The following TRIM11 variants were observed in gnomAD, a reference collection of about 807,000 sequenced individuals.
The protein encoded by TRIM11 is tripartite motif containing 11.
Under a neutral mutation model 33.4 loss-of-function variants are expected in TRIM11, and 15 were observed. That is an observed-to-expected ratio of 0.45 (90% confidence interval 0.30 to 0.69). The LOEUF (loss-of-function observed/expected upper bound fraction) is 0.69, where lower values mean the gene tolerates loss of function less well. Among genes scored for constraint, TRIM11 ranks in the 30% least tolerant of loss-of-function variants. The pLI is 0.08. For synonymous variants in TRIM11, 281 were observed against 302.6 expected, an observed-to-expected ratio of 0.93 and a Z score of 0.74; for missense variants, 499 against 667.6, an observed-to-expected ratio of 0.75 and a Z score of 2.78.
rs1431151469 is a variant in TRIM11 at position 228,394,859 on chromosome 1, TAGAA to T, written c.1249_1252del (p.Phe417ThrfsTer35). 6 of 1,613,328 alleles carry T rather than the reference TAGAA, an allele frequency of 3.7e-6. No homozygotes were observed. Among genetic ancestry groups the T allele is most frequent in the South Asian group, 1.1e-5 (1 of 91,042 alleles). ...TAGCAGTGACCCATCGGTGGCACTGTAGAAAGAGAGATGTCCAGCCTCGTAGTCC... is the reference window on the plus strand; with the variant it reads ...TAGCAGTGACCCATCGGTGGCACTGTAGAGAGATGTCCAGCCTCGTAGTCC... On this transcript the variant is annotated frameshift_variant, in exon 6 of 6. Coordinates refer to ENST00000284551, the MANE Select transcript of TRIM11 (RefSeq NM_145214.3). LOFTEE classifies it low-confidence loss of function (END_TRUNC). This position sits in a 1 kb window ranked among gnomAD's most constrained non-coding sequence, Gnocchi z 6.2.
chr1:228,394,974 G>C lies in TRIM11; in HGVS notation c.1138C>G (p.Leu380Val). The change falls in exon 6 of 6, where the codon CTG (leucine) becomes GTG (valine). Residue 380 changes from leucine (L) to valine (V), a missense_variant. Transcript: ENST00000284551. This position sits in a 1 kb window ranked among gnomAD's most constrained non-coding sequence, Gnocchi z 6.2. ...ELSAGNGFWI[L>V]VFLGSYYNSS... ...TTGTAATAGCTCCCCAGGAAGACCA[G>C]GATCCAGAAGCCGTTGCCCGCGGAC... 2 of 1,614,178 alleles carry C rather than the reference G, an allele frequency of 1.2e-6. No homozygotes were observed. The highest frequency in any genetic ancestry group is 4.5e-5 in the East Asian group (2 of 44,866).
intron 1 of TRIM11, chr1:228,405,545 G>A (rs558937571): frequency 2.6e-5 from 4 of 152,434 alleles, no homozygotes; most frequent in East Asian, 1.9e-4. Flanking sequence ...TAAGCAGCAA[G>A]ACAAGGGGAG....
At chr1:228,398,707 C>A (rs1021857813) in intron 3 of TRIM11, among the ~76,000 whole-genome samples, 2 of 151,934 alleles carry the variant, frequency 1.3e-5, no homozygotes, top group East Asian at 1.9e-4. Context: ...AGGGGGAGTG[C>A]GCAGGGTGAG....
In TRIM11 at chr1:228,402,160, G is replaced by T; in HGVS notation, c.410C>A (p.Ala137Glu). The change falls in exon 2 of 6, where the codon GCG becomes GAG. Residue 137 changes from alanine (A) to glutamate (E), a missense_variant and splice_region_variant. Transcript: ENST00000284551. ...ATGCTCCAGTGACTTCTCCAGCTTC[G>T]CCTGCGGGAGAGGCCAGGCAGGACC... ...PLQDAAEDLK[A>E]KLEKSLEHLR... 1 of 1,610,508 alleles carries T rather than the reference G, an allele frequency of 6.2e-7. No homozygotes were observed. Among genetic ancestry groups the T allele is most frequent in the Non-Finnish European group, 8.5e-7 (1 of 1,178,160 alleles).
Position 228,399,137 on chromosome 1 carries a change from G to A in TRIM11, c.735+1827C>T, listed in dbSNP as rs1310646801. 3.9e-5 allele frequency among the ~76,000 whole-genome samples: 6 copies of A among 152,000 alleles called. No homozygotes were observed. In the South Asian group the frequency reaches 6.2e-4, roughly 16 times the overall value. On this transcript the variant is annotated intron_variant, in intron 3 of 5. Coordinates refer to ENST00000284551, the MANE Select transcript of TRIM11 (RefSeq NM_145214.3). ...TCCACTGTGCAACCCCTGTCCATTC[G>A]GCCTGGGTGCTGGGAACCCGGGTTG...
chr1:228,401,931 G>A lies in TRIM11; in HGVS notation c.504+135C>T, dbSNP rs562016432. ...CCAGCCCTTCAGTGGGCTCGGTGGG[G>A]CCAGGCTGAAGCAGTGACTGGTCCT... On this transcript the variant is annotated intron_variant, in intron 2 of 5. Coordinates refer to ENST00000284551, the MANE Select transcript of TRIM11 (RefSeq NM_145214.3). The surrounding 1 kb of genome is among the most constrained non-coding windows in gnomAD (Gnocchi z 6.1). 4.9e-5 allele frequency: 29 copies of A among 587,892 alleles called. No homozygotes were observed. In the African/African-American group the frequency reaches 5.2e-4, roughly 11 times the overall value. 36.4% of individuals were successfully genotyped at this position (587,892 alleles called of 1,614,324 possible).
chr1:228,404,740 C>T (rs1656342941), intron 1 of TRIM11: 1 of 152,246 alleles, frequency 6.6e-6, no homozygotes, highest in Non-Finnish European at 1.5e-5. Context: ...TGTGTTAATT[C>T]TTCCCATCTA....
rs769537752 is a variant in TRIM11, at chr1:228,401,215, G to A, written c.505-21C>T. The A allele has an allele frequency of 1.2e-5, 20 of 1,607,876 alleles. No homozygotes were observed. Among genetic ancestry groups the A allele is most frequent in the Non-Finnish European group, 1.6e-5 (19 of 1,176,526 alleles). ...ATCTTCTGTGGAGCCCAGGGAGAAG[G>A]ACAGCTGAGGCCAGACCCCAGGCCC... On this transcript the variant is annotated intron_variant, in intron 2 of 5. Coordinates refer to ENST00000284551, the MANE Select transcript of TRIM11 (RefSeq NM_145214.3). The surrounding 1 kb of genome is among the most constrained non-coding windows in gnomAD (Gnocchi z 6.1).
In TRIM11 at chr1:228,394,966, G is replaced by A. The variant is rs1338898122; in HGVS notation, c.1146C>T (p.Phe382=). ...SAGNGFWILV[F]LGSYYNSSER... ...CCGAGGAATTGTAATAGCTCCCCAG[G>A]AAGACCAGGATCCAGAAGCCGTTGC... Residue 382 remains phenylalanine (F), a synonymous_variant, in exon 6 of 6, where the codon TTC becomes TTT. Transcript: ENST00000284551. This position sits in a 1 kb window ranked among gnomAD's most constrained non-coding sequence, Gnocchi z 6.2. 6.2e-7 allele frequency: 1 copy of A among 1,614,162 alleles called. No homozygotes were observed. Among genetic ancestry groups the A allele is most frequent in the Non-Finnish European group, 8.5e-7 (1 of 1,180,016 alleles).
Position 228,401,048 on chromosome 1 carries a change from G to T in TRIM11, c.651C>A (p.His217Gln). ...VLPRLREGAA[H>Q]LGQQSAHLAE... ...CTAGGTGGGCGCTCTGCTGGCCTAG[G>T]TGGGCTGCGCCCTCCCGCAGCCGGG... is the stretch of plus-strand genomic sequence containing the variant. The change falls in exon 3 of 6, where the codon CAC (histidine) becomes CAA (glutamine). Residue 217 changes from histidine to glutamine, a missense_variant. Coordinates refer to ENST00000284551, the MANE Select transcript of TRIM11 (RefSeq NM_145214.3). This position sits in a 1 kb window ranked among gnomAD's most constrained non-coding sequence, Gnocchi z 6.1. 2 of 1,612,336 alleles carry T rather than the reference G, an allele frequency of 1.2e-6. No homozygotes were observed. Among genetic ancestry groups the T allele is most frequent in the Non-Finnish European group, 1.7e-6 (2 of 1,179,480 alleles).
intron 1 of TRIM11, chr1:228,404,762 C>T (rs966860737): frequency 2.0e-5 from 3 of 152,372 alleles, no homozygotes; most frequent in Non-Finnish European, 4.4e-5. Flanking sequence ...TTCCTAGTCA[C>T]TTTCCCACAA....
intron 5 of TRIM11, chr1:228,396,475 G>A: frequency 1.7e-6 from 1 of 586,162 alleles, no homozygotes; most frequent in Non-Finnish European, 3.0e-6. Flanking sequence ...CTCTTCCTGA[G>A]TGGTATCCTT....
chr1:228,401,203 C>T lies in TRIM11; in HGVS notation c.505-9G>A. The T allele has an allele frequency of 6.2e-7, 1 of 1,610,852 alleles. No homozygotes were observed. Among genetic ancestry groups the T allele is most frequent in the Admixed American group, 1.7e-5 (1 of 59,882 alleles). On this transcript the variant is annotated splice_polypyrimidine_tract_variant and intron_variant, in intron 2 of 5. Coordinates refer to ENST00000284551, the MANE Select transcript of TRIM11 (RefSeq NM_145214.3). The surrounding 1 kb of genome is among the most constrained non-coding windows in gnomAD (Gnocchi z 6.1). ...TGGCTCTCCACCATCTTCTGTGGAG[C>T]CCAGGGAGAAGGACAGCTGAGGCCA... is the stretch of plus-strand genomic sequence containing the variant.
rs1314962521 is a variant in TRIM11 at position 228,393,900 on chromosome 1, A to T, written c.*805T>A. The T allele has an allele frequency of 6.6e-6, 1 of 152,336 alleles. No individual in the cohort carries two copies. Among genetic ancestry groups the T allele is most frequent in the South Asian group, 2.1e-4 (1 of 4,828 alleles). 9.4% of individuals were successfully genotyped at this position (152,336 alleles called of 1,614,324 possible). On this transcript the variant is annotated 3_prime_UTR_variant, in exon 6 of 6. Transcript: ENST00000284551. ...CGGCCAGCAGTGCACATCCCCAAGC[A>T]GCAGCTGGGACCCTGGGTCCTGAGG...
chr1:228,397,300 G>T (rs2074995399), intron 3 of TRIM11, 135 bp from the exon 4 acceptor site: 1 of 1,082,880 alleles, frequency 9.2e-7, no homozygotes, highest in Admixed American at 2.6e-5. Flanking sequence ...ACACACACAG[G>T]GGGCCATAAA....
chr1:228,400,821 G>A lies in TRIM11; in HGVS notation c.735+143C>T, dbSNP rs1463020746. The A allele has an allele frequency of 7.1e-7, 1 of 1,404,508 alleles. No homozygotes were observed. Among genetic ancestry groups the A allele is most frequent in the Non-Finnish European group, 9.3e-7 (1 of 1,077,762 alleles). The allele number at this position is 1,404,508 out of a possible 1,614,324, so 87.0% of individuals were successfully genotyped here. A position where few individuals can be genotyped will look rare whatever the true frequency, so the allele number is the denominator to read the frequency against. ...CTGACTCAGCATTTCACAGGCAACA[G>A]CCAGGCACATCCAGCCATGCCATTC... On this transcript the variant is annotated intron_variant, in intron 3 of 5. Transcript: ENST00000284551. The surrounding 1 kb of genome is among the most constrained non-coding windows in gnomAD (Gnocchi z 4.5).
chr1:228,396,617 G>C, intron 5 of TRIM11: 1 of 685,422 alleles, frequency 1.5e-6, no homozygotes, highest in Non-Finnish European at 2.7e-6. Context: ...ACTGGCATCT[G>C]AAGTGGGGGC....
rs1574081711 is a variant in TRIM11 at position 228,394,626 on chromosome 1, C to T, written c.*79G>A. 6.9e-7 allele frequency: 1 copy of T among 1,443,538 alleles called. No individual in the cohort carries two copies. The highest frequency in any genetic ancestry group is 2.4e-5 in the East Asian group (1 of 42,276). The allele number at this position is 1,443,538 out of a possible 1,614,324, so 89.4% of individuals were successfully genotyped here. On this transcript the variant is annotated 3_prime_UTR_variant, in exon 6 of 6. Coordinates refer to ENST00000284551, the MANE Select transcript of TRIM11 (RefSeq NM_145214.3). The surrounding 1 kb of genome is among the most constrained non-coding windows in gnomAD (Gnocchi z 6.2). ...GCTCAAAGGACACACTCCCTCCTCC[C>T]AGGTCCTCCAAGTGGCCAAAACACT...
At position 228,395,880 on chromosome 1, in the gene TRIM11, AC is replaced by A. The variant is rs2074982572; in HGVS notation, c.860-629del. 1 of 152,062 alleles carries A rather than the reference AC, an allele frequency of 6.6e-6. No individual in the cohort carries two copies. The highest frequency in any genetic ancestry group is 1.9e-4 in the East Asian group (1 of 5,188). 9.4% of individuals were successfully genotyped at this position (152,062 alleles called of 1,614,324 possible). A position where few individuals can be genotyped will look rare whatever the true frequency, so the allele number is the denominator to read the frequency against. ...GATGTGAATTAGGGCAGCTGTCCCA[AC>A]CCTGACCACTCCGATTTCAGATCTA... On this transcript the variant is annotated intron_variant, in intron 5 of 5. Coordinates refer to ENST00000284551, the MANE Select transcript of TRIM11 (RefSeq NM_145214.3). The surrounding 1 kb of genome is among the most constrained non-coding windows in gnomAD (Gnocchi z 4.8).
Sources: allele counts gnomAD v4.1 joint callset (sites outside exome capture counted in the v4.1 genomes callset), GRCh38; gene constraint gnomAD v4.1.1; non-coding constraint Gnocchi (gnomAD v3.1); transcripts MANE v1.5; gene names NCBI Gene and HGNC (gene_info 2026-07-23, HGNC 2026-07-21).